The following EYS variants were observed in gnomAD, a reference collection of about 807,000 sequenced individuals.
EYS encodes EGF-like photoreceptor maintenance factor.
Under a neutral mutation model 282.1 loss-of-function variants are expected in EYS, and 250 were observed. The observed-to-expected ratio is 0.89, with a 90% CI of 0.80 to 0.98. EYS has a LOEUF of 0.98. Ranked by LOEUF, EYS falls within the 50% of genes least tolerant of loss-of-function variation. The pLI is 0.00. For synonymous variants in EYS, 1,355 were observed against 1,282.9 expected (o/e 1.06, Z -1.20); for missense variants, 4,016 against 3,709.0 (o/e 1.08, Z -2.15).
intron 2 of EYS, among the ~76,000 whole-genome samples, chr6:65,538,684 C>T (rs1768050678): frequency 6.6e-6 from 1 of 152,070 alleles, no homozygotes; most frequent in Admixed American, 6.6e-5. Flanking sequence ...CATTCAAACA[C>T]TAAAATATAG....
chr6:64,761,577 C>A (rs1235231569), intron 22 of EYS, among the ~76,000 whole-genome samples: 1 of 152,196 alleles, frequency 6.6e-6, no homozygotes, highest in Non-Finnish European at 1.5e-5. Flanking sequence ...CTGCCTCAGC[C>A]TCCCGAGCAG....
At chr6:65,651,446 T>C (rs1438067636) in intron 1 of EYS, among the ~76,000 whole-genome samples, 1 of 152,058 alleles carries the variant, frequency 6.6e-6, no homozygotes, top group Non-Finnish European at 1.5e-5. Context: ...CATATATATC[T>C]GATATTGACT....
chr6:64,846,086 G>A (rs1449896986), intron 19 of EYS, among the ~76,000 whole-genome samples: 1 of 152,070 alleles, frequency 6.6e-6, no homozygotes, highest in African/African-American at 2.4e-5. Context: ...CTTGCTCAGA[G>A]ACTTTCAATA....
chr6:65,380,994 AG>A (rs1220010481), intron 8 of EYS, among the ~76,000 whole-genome samples: 2 of 152,188 alleles, frequency 1.3e-5, no homozygotes, highest in Non-Finnish European at 2.9e-5. Context: ...GCGGAGAAAT[AG>A]GAATGCATTT....
At chr6:64,309,592 CTT>C (rs1769593062) in intron 29 of EYS, among the ~76,000 whole-genome samples, 1 of 10,912 alleles carries the variant, frequency 9.2e-5, no homozygotes, top group African/African-American at 1.6e-3. Flanking sequence ...TACAAACAAC[CTT>C]CTTATAAAAA....
rs77245824 is a variant in EYS at position 63,786,805 on chromosome 6, C to A, written c.7723+1300G>T. Among the ~76,000 whole-genome samples the A allele has an allele frequency of 1.8e-3, 275 of 151,964 alleles. 7 individuals are homozygous for A. In the East Asian group the frequency reaches 0.046, roughly 25 times the overall value. On this transcript the variant is annotated intron_variant, in intron 39 of 42. Coordinates refer to ENST00000503581, the MANE Select transcript of EYS (RefSeq NM_001142800.2). ...CTGTAAAGATTTCAATTCAATAGTT[C>A]TTGGGTAGGGTTCAGAAATCTGTGT... is the stretch of plus-strand genomic sequence containing the variant.
At chr6:65,675,580 T>C (rs765644191) in intron 1 of EYS, among the ~76,000 whole-genome samples, 28 of 151,892 alleles carry the variant, frequency 1.8e-4, no homozygotes, top group Non-Finnish European at 3.8e-4. Flanking sequence ...CAAATATATA[T>C]GCACATAGCA....
chr6:65,181,186 C>T (rs1414952249), intron 12 of EYS, among the ~76,000 whole-genome samples: 3 of 152,088 alleles, frequency 2.0e-5, no homozygotes, highest in East Asian at 3.9e-4. Context: ...GCAATGGCAA[C>T]AAAAGCCAAA....
chr6:64,731,934 G>A (rs1771983361), intron 22 of EYS, among the ~76,000 whole-genome samples: 1 of 152,104 alleles, frequency 6.6e-6, no homozygotes, highest in Admixed American at 6.5e-5. Context: ...ATGTTAGACT[G>A]GATAAAGAAA....
intron 14 of EYS, among the ~76,000 whole-genome samples, chr6:64,994,849 T>C: frequency 6.6e-6 from 1 of 152,142 alleles, no homozygotes; most frequent in East Asian, 1.9e-4. Context: ...AAAAAGGCAA[T>C]ATTTAACAAG....
chr6:65,434,322 A>ATG (rs1554196009), intron 5 of EYS, among the ~76,000 whole-genome samples: 1 of 144,602 alleles, frequency 6.9e-6, no homozygotes, highest in Non-Finnish European at 1.5e-5. Flanking sequence ...GGTTTGCATA[A>ATG]TTTTTTTTTT....
chr6:64,505,475 C>T (rs889732107), intron 26 of EYS, among the ~76,000 whole-genome samples: 8 of 152,194 alleles, frequency 5.3e-5, no homozygotes, highest in African/African-American at 1.9e-4. Context: ...TTAAAAGATG[C>T]TCACAGCCAC....
intron 13 of EYS, among the ~76,000 whole-genome samples, chr6:65,023,907 C>T (rs1325540341): frequency 1.3e-5 from 2 of 152,162 alleles, no homozygotes; most frequent in East Asian, 3.9e-4. Flanking sequence ...AAACATCATA[C>T]ATAGCAGTCC....
chr6:64,926,392 T>C (rs998001509), intron 15 of EYS, among the ~76,000 whole-genome samples: 7 of 152,196 alleles, frequency 4.6e-5, no homozygotes, highest in African/African-American at 1.4e-4. Context: ...CCTCATTCTA[T>C]TGATGCCCAG....
chr6:65,547,867 A>T (rs1768452235), intron 2 of EYS, among the ~76,000 whole-genome samples: 1 of 152,176 alleles, frequency 6.6e-6, no homozygotes, highest in African/African-American at 2.4e-5. Context: ...TGATTTGGGC[A>T]ACAGCTTCTG....
intron 29 of EYS, among the ~76,000 whole-genome samples, chr6:64,311,459 A>G (rs1311795701): frequency 6.6e-6 from 1 of 152,234 alleles, no homozygotes. Context: ...AATCCAGGAC[A>G]AATAACTCCT....
At chr6:65,436,537 A>T (rs1582289031) in intron 5 of EYS, among the ~76,000 whole-genome samples, 1 of 152,256 alleles carries the variant, frequency 6.6e-6, no homozygotes, top group Non-Finnish European at 1.5e-5. Flanking sequence ...GAAACACAGA[A>T]ATTGCTAAAG....
intron 13 of EYS, among the ~76,000 whole-genome samples, chr6:65,048,344 T>C (rs1290551370): frequency 6.6e-6 from 1 of 151,916 alleles, no homozygotes; most frequent in Non-Finnish European, 1.5e-5. Flanking sequence ...AAGGCCACTT[T>C]AGTAATAGTT....
At chr6:64,079,376 T>G (rs994625510) in intron 32 of EYS, among the ~76,000 whole-genome samples, 2 of 152,090 alleles carry the variant, frequency 1.3e-5, no homozygotes, top group African/African-American at 4.8e-5. Context: ...TGTTAAAAAC[T>G]ACTAACTTCA....
Sources: gnomAD v4.1 joint callset for allele counts (sites outside exome capture counted in the v4.1 genomes callset) on GRCh38, gnomAD v4.1.1 for gene constraint, MANE v1.5 for transcripts, NCBI Gene and HGNC (gene_info 2026-07-23, HGNC 2026-07-21) for gene names.